CYP2C19: variants seen among roughly 807,000 people sequenced by gnomAD.
CYP2C19 encodes cytochrome P450 family 2 subfamily C member 19, also known as cytochrome P450 2C19.
Under a neutral mutation model 40.9 loss-of-function variants are expected in CYP2C19, and 59 were observed. The observed-to-expected ratio is 1.44, with a 90% confidence interval of 1.17 to 1.79. The LOEUF (loss-of-function observed/expected upper bound fraction) is 1.79, where lower values mean the gene tolerates loss of function less well. Among genes scored for constraint, CYP2C19 ranks in the 40% most tolerant of loss-of-function variants. CYP2C19 has a pLI of 0.00. For synonymous variants in CYP2C19, 253 were observed against 208.7 expected (o/e 1.21, Z -1.83); for missense variants, 754 against 596.9 (o/e 1.26, Z -2.74).
chr10:94,810,489 A>T (rs1170999316), intron 5 of CYP2C19, among the ~76,000 whole-genome samples: 1 of 152,098 alleles, frequency 6.6e-6, no homozygotes, highest in Non-Finnish European at 1.5e-5. Context: ...CCTCTGGTAG[A>T]ATTCGGCTGT....
chr10:94,790,897 G>A (rs1212235221), intron 5 of CYP2C19, among the ~76,000 whole-genome samples: 1 of 152,100 alleles, frequency 6.6e-6, no homozygotes, highest in Non-Finnish European at 1.5e-5. Context: ...TGATTAGAGA[G>A]AATTCCCTCT....
chr10:94,795,004 A>AAT (rs1003120276), intron 5 of CYP2C19, among the ~76,000 whole-genome samples: 14 of 151,358 alleles, frequency 9.2e-5, no homozygotes, highest in African/African-American at 2.2e-4. Flanking sequence ...TATATATGTA[A>AAT]ATATATATAT....
intron 6 of CYP2C19, among the ~76,000 whole-genome samples, chr10:94,831,898 T>C (rs573713965): frequency 6.6e-6 from 1 of 152,320 alleles, no homozygotes; most frequent in South Asian, 2.1e-4. Flanking sequence ...GCAGAAACTT[T>C]TTAACTTGAT....
rs193060539 is a variant in CYP2C19, at chr10:94,779,932, A to G, written c.482-567A>G. Among the ~76,000 whole-genome samples the G allele has an allele frequency of 2.2e-4, 34 of 152,262 alleles. No individual in the cohort carries two copies. In the East Asian group the frequency reaches 5.6e-3, roughly 25 times the overall value. On this transcript the variant is annotated intron_variant, in intron 3 of 8. Coordinates refer to ENST00000371321, the MANE Select transcript of CYP2C19 (RefSeq NM_000769.4). ...AACAAGTTTTTGTTTAATTTTTTTG[A>G]CAAACTAATCTATGTTAGACATTCT...
At chr10:94,812,336 T>A (rs1284942648) in intron 5 of CYP2C19, among the ~76,000 whole-genome samples, 1 of 152,100 alleles carries the variant, frequency 6.6e-6, no homozygotes, top group Non-Finnish European at 1.5e-5. Context: ...TTGGTGAATC[T>A]GACAATTATG....
chr10:94,851,032 C>T (rs1300364189), intron 8 of CYP2C19, among the ~76,000 whole-genome samples: 1 of 152,148 alleles, frequency 6.6e-6, no homozygotes, highest in Non-Finnish European at 1.5e-5. Flanking sequence ...AAGAAACCTT[C>T]CTTCAAGCAT....
At chr10:94,837,872 C>T (rs1849429971) in intron 6 of CYP2C19, among the ~76,000 whole-genome samples, 2 of 152,156 alleles carry the variant, frequency 1.3e-5, no homozygotes, top group Admixed American at 1.3e-4. Context: ...GGGCAGTGGC[C>T]CTTCCAGTGG....
chr10:94,777,707 AAACCCAGGT>A (rs1469872601), intron 3 of CYP2C19, among the ~76,000 whole-genome samples: 8 of 152,142 alleles, frequency 5.3e-5, no homozygotes, highest in Non-Finnish European at 1.0e-4. Flanking sequence ...CCCTAGAGAA[AAACCCAGGT>A]AATACCATTC....
intron 5 of CYP2C19, among the ~76,000 whole-genome samples, chr10:94,818,745 C>A (rs1041600065): frequency 6.7e-6 from 1 of 148,832 alleles, no homozygotes; most frequent in Non-Finnish European, 1.5e-5. Flanking sequence ...GATTTTGTAT[C>A]CTGAGACTTT....
At chr10:94,793,476 C>A (rs562249932) in intron 5 of CYP2C19, among the ~76,000 whole-genome samples, 1 of 152,222 alleles carries the variant, frequency 6.6e-6, no homozygotes, top group East Asian at 1.9e-4. Context: ...TCTCGTTACT[C>A]CCATCTTTGT....
intron 5 of CYP2C19, among the ~76,000 whole-genome samples, chr10:94,816,357 T>C (rs1849002215): frequency 6.6e-6 from 1 of 152,002 alleles, no homozygotes; most frequent in Non-Finnish European, 1.5e-5. Context: ...CAGTCATTTG[T>C]AACTTCCAAC....
At chr10:94,847,226 C>T (rs180792679) in intron 7 of CYP2C19, among the ~76,000 whole-genome samples, 193 of 152,174 alleles carry the variant, frequency 1.3e-3, no homozygotes, top group African/African-American at 4.5e-3. Flanking sequence ...AACCCTCCTC[C>T]CTCCCTCCAC....
intron 6 of CYP2C19, among the ~76,000 whole-genome samples, chr10:94,829,600 A>G (rs1014031087): frequency 1.3e-5 from 2 of 152,116 alleles, no homozygotes; most frequent in Admixed American, 6.5e-5. Context: ...TTTGGTTTGA[A>G]TGTCCTTCCA....
chr10:94,850,250 GAATT>G (rs1408852837), intron 8 of CYP2C19, among the ~76,000 whole-genome samples, 192 bp downstream of exon 8: 1 of 152,104 alleles, frequency 6.6e-6, no homozygotes, highest in East Asian at 1.9e-4. Flanking sequence ...GGGTTTTGGA[GAATT>G]AATCCAATTC....
chr10:94,841,237 G>T (rs529869321), intron 6 of CYP2C19, among the ~76,000 whole-genome samples: 1 of 152,204 alleles, frequency 6.6e-6, no homozygotes, highest in Non-Finnish European at 1.5e-5. Flanking sequence ...TAGTGTTCAG[G>T]TTGATTAGGA....
At chr10:94,780,118 C>T (rs1337721011) in intron 3 of CYP2C19, among the ~76,000 whole-genome samples, 3 of 152,088 alleles carry the variant, frequency 2.0e-5, no homozygotes, top group African/African-American at 7.2e-5. Flanking sequence ...TTTGAAATCC[C>T]CAACTATTCT....
chr10:94,800,675 C>G (rs1037052868), intron 5 of CYP2C19, among the ~76,000 whole-genome samples: 1 of 152,208 alleles, frequency 6.6e-6, no homozygotes, highest in Non-Finnish European at 1.5e-5. Flanking sequence ...GGGCTCCACC[C>G]AGTTCAAGCT....
At chr10:94,802,238 G>C in intron 5 of CYP2C19, among the ~76,000 whole-genome samples, 1 of 152,100 alleles carries the variant, frequency 6.6e-6, no homozygotes, top group Non-Finnish European at 1.5e-5. Flanking sequence ...AGCGCTGATT[G>C]GTGCATTTTA....
At chr10:94,783,893 C>A (rs1002197658) in intron 5 of CYP2C19, among the ~76,000 whole-genome samples, 4 of 152,044 alleles carry the variant, frequency 2.6e-5, no homozygotes, top group Non-Finnish European at 5.9e-5. Context: ...GGAGTTATGC[C>A]ATTTTAAAAA....
Sources: gnomAD v4.1 joint callset for allele counts (sites outside exome capture counted in the v4.1 genomes callset) on GRCh38, gnomAD v4.1.1 for gene constraint, MANE v1.5 for transcripts, NCBI Gene and HGNC (gene_info 2026-07-23, HGNC 2026-07-21) for gene names.